CNTN5: variants seen among roughly 807,000 people sequenced by gnomAD.
The protein encoded by CNTN5 is contactin-5.
Under a neutral mutation model 129.1 loss-of-function variants are expected in CNTN5, and 77 were observed. That is an observed-to-expected ratio of 0.60 (90% CI 0.50 to 0.72). The LOEUF (loss-of-function observed/expected upper bound fraction) is 0.72, where lower values mean the gene tolerates loss of function less well. Ranked by LOEUF, CNTN5 falls within the 30% of genes least tolerant of loss-of-function variation. The pLI, the probability that CNTN5 is intolerant of heterozygous loss-of-function variation, is 0.00. For missense variants in CNTN5, 1,478 were observed against 1,328.8 expected, an observed-to-expected ratio of 1.11 and a Z score of -1.75; for synonymous variants, 509 against 465.6, an observed-to-expected ratio of 1.09 and a Z score of -1.20.
At chr11:99,797,034 A>C (rs755260444) in intron 3 of CNTN5, among the ~76,000 whole-genome samples, 9 of 151,898 alleles carry the variant, frequency 5.9e-5, no homozygotes, top group African/African-American at 9.7e-5. Context: ...AGGATTCCCC[A>C]TGTCCTCCCT....
chr11:99,560,769 G>A (rs897539761), intron 3 of CNTN5, among the ~76,000 whole-genome samples: 1 of 152,038 alleles, frequency 6.6e-6, no homozygotes, highest in Non-Finnish European at 1.5e-5. Context: ...ATGTATACTG[G>A]AACAACTAAG....
rs188270084 is a variant in CNTN5 at position 99,196,358 on chromosome 11, A to C, written c.-209-128988A>C. On this transcript the variant is annotated intron_variant, in intron 1 of 24. Coordinates refer to ENST00000524871, the MANE Select transcript of CNTN5 (RefSeq NM_014361.4). ...ACAATTGTAAATATTTGTATAACTA[A>C]ATCCTTTTCTTTAGAGATTTTGGGT... Among the ~76,000 whole-genome samples, 267 of 152,020 alleles carry C rather than the reference A, an allele frequency of 1.8e-3. 2 individuals are homozygous for C. The highest frequency in any genetic ancestry group is 9.0e-3 in the Admixed American group (138 of 15,282).
intron 2 of CNTN5, among the ~76,000 whole-genome samples, chr11:99,326,575 C>G (rs991401014): frequency 2.0e-5 from 3 of 152,166 alleles, no homozygotes; most frequent in Admixed American, 2.0e-4. Flanking sequence ...TTACTTTCTA[C>G]TAGCCACACT....
At chr11:99,636,246 G>T (rs962811707) in intron 3 of CNTN5, among the ~76,000 whole-genome samples, 1 of 152,048 alleles carries the variant, frequency 6.6e-6, no homozygotes, top group African/African-American at 2.4e-5. Flanking sequence ...GTTATATGGG[G>T]GAGATTGGGT....
At chr11:99,897,794 C>T (rs1323685853) in intron 6 of CNTN5, among the ~76,000 whole-genome samples, 1 of 152,134 alleles carries the variant, frequency 6.6e-6, no homozygotes, top group African/African-American at 2.4e-5. Context: ...ACTTACATAT[C>T]AATATTAATC....
intron 1 of CNTN5, among the ~76,000 whole-genome samples, chr11:99,096,989 G>A (rs558623183): frequency 3.3e-5 from 5 of 151,844 alleles, no homozygotes; most frequent in Non-Finnish European, 7.4e-5. Flanking sequence ...AATCATATCT[G>A]TTGTGTATGT....
intron 15 of CNTN5, among the ~76,000 whole-genome samples, chr11:100,207,478 G>A (rs944935496): frequency 3.3e-5 from 5 of 152,094 alleles, no homozygotes; most frequent in African/African-American, 1.2e-4. Context: ...TGCTTTACCA[G>A]TGAAGATATA....
At chr11:99,785,761 T>A (rs1280657282) in intron 3 of CNTN5, among the ~76,000 whole-genome samples, 1 of 152,080 alleles carries the variant, frequency 6.6e-6, no homozygotes. Context: ...AACCGCCTGA[T>A]TTTCTCAATA....
At chr11:99,046,515 A>G (rs1328213137) in intron 1 of CNTN5, among the ~76,000 whole-genome samples, 1 of 152,192 alleles carries the variant, frequency 6.6e-6, no homozygotes, top group Non-Finnish European at 1.5e-5. Context: ...TACCTGTTTC[A>G]TAAAACTCCT....
chr11:99,966,614 C>T (rs947691367), intron 8 of CNTN5, among the ~76,000 whole-genome samples: 2 of 152,152 alleles, frequency 1.3e-5, no homozygotes, highest in African/African-American at 4.8e-5. Flanking sequence ...ACTGGTTGCA[C>T]CTACATGAAC....
At chr11:99,792,294 T>A (rs1396405353) in intron 3 of CNTN5, among the ~76,000 whole-genome samples, 5 of 152,014 alleles carry the variant, frequency 3.3e-5, no homozygotes, top group East Asian at 1.9e-4. Flanking sequence ...TTCTTGAGAG[T>A]TTTTAATAGG....
chr11:100,172,150 A>G (rs1410693798), intron 13 of CNTN5, among the ~76,000 whole-genome samples: 1 of 152,058 alleles, frequency 6.6e-6, no homozygotes, highest in Non-Finnish European at 1.5e-5. Flanking sequence ...TAAAACTAAT[A>G]ATATTAAAAC....
At chr11:99,519,985 A>T (rs1947212390) in intron 2 of CNTN5, among the ~76,000 whole-genome samples, 1 of 151,918 alleles carries the variant, frequency 6.6e-6, no homozygotes, top group Admixed American at 6.6e-5. Context: ...GCTGTTTTTG[A>T]TTACTTGTCT....
chr11:99,383,147 G>T (rs759439098), intron 2 of CNTN5, among the ~76,000 whole-genome samples: 2 of 151,850 alleles, frequency 1.3e-5, no homozygotes, highest in Non-Finnish European at 2.9e-5. Flanking sequence ...GAGCCACCAC[G>T]CCTGGCCTCT....
rs10699540 is a variant in CNTN5, at chr11:99,714,853, G to GA, written c.56-104679dup. ...GCCTGTTTGAACTTCAGCTCATGTG[G>GA]AAAAAAAAAAAACCTTGAAGCTGTC... On this transcript the variant is annotated intron_variant, in intron 3 of 24. Transcript: ENST00000524871. Among the ~76,000 whole-genome samples, 568 of 148,146 alleles carry GA rather than the reference G, an allele frequency of 3.8e-3. 2 individuals are homozygous for GA. Among genetic ancestry groups the GA allele is most frequent in the African/African-American group, 9.7e-3 (393 of 40,628 alleles).
intron 9 of CNTN5, among the ~76,000 whole-genome samples, chr11:100,045,633 T>C (rs1248612178): frequency 6.6e-6 from 1 of 151,998 alleles, no homozygotes; most frequent in Non-Finnish European, 1.5e-5. Context: ...AAGAAGTCAT[T>C]TTCTCTCCAA....
intron 1 of CNTN5, among the ~76,000 whole-genome samples, chr11:99,143,614 A>G (rs117673503): frequency 0.039 from 5,877 of 152,068 alleles, 164 homozygotes; most frequent in Middle Eastern, 0.058. Flanking sequence ...CTGCATGTCA[A>G]GAGGCAAGCT....
At chr11:100,143,785 C>T (rs1163816071) in intron 13 of CNTN5, among the ~76,000 whole-genome samples, 1 of 152,068 alleles carries the variant, frequency 6.6e-6, no homozygotes, top group Non-Finnish European at 1.5e-5. Flanking sequence ...TGAGTCAGAG[C>T]TTTCACGGGA....
chr11:99,750,218 G>A (rs1265182448), intron 3 of CNTN5, among the ~76,000 whole-genome samples: 1 of 152,046 alleles, frequency 6.6e-6, no homozygotes, highest in Non-Finnish European at 1.5e-5. Flanking sequence ...ACCTTGAGAT[G>A]TTTTTCTCTC....
Sources: gnomAD v4.1 joint callset for allele counts (sites outside exome capture counted in the v4.1 genomes callset) on GRCh38, gnomAD v4.1.1 for gene constraint, MANE v1.5 for transcripts, NCBI Gene and HGNC (gene_info 2026-07-23, HGNC 2026-07-21) for gene names.